The following C2CD2L variants were observed in gnomAD, a reference collection of about 807,000 sequenced individuals.
C2CD2L encodes phospholipid transfer protein C2CD2L.
A neutral mutation model predicts 69.9 loss-of-function variants in C2CD2L; 24 were observed. The observed-to-expected ratio is 0.34, with a 90% CI of 0.25 to 0.48. The LOEUF is 0.48. Ranked by LOEUF, C2CD2L falls within the 20% of genes least tolerant of loss-of-function variation. The pLI is 0.99. For synonymous variants in C2CD2L, 367 were observed against 391.0 expected (o/e 0.94, Z 0.72); for missense variants, 811 against 941.5 (o/e 0.86, Z 1.81).
intron 13 of C2CD2L, 42 bp from the exon 14 acceptor site, chr11:119,116,003 C>A: frequency 6.4e-7 from 1 of 1,569,050 alleles, no homozygotes; most frequent in Non-Finnish European, 8.7e-7. Context: ...CTCACCCCAC[C>A]CCGTGCCCCT....
In C2CD2L at chr11:119,110,827, C is replaced by G. The variant is rs752453437; in HGVS notation, c.571-20C>G. 18 of 1,612,660 alleles carry G rather than the reference C, an allele frequency of 1.1e-5. No homozygotes were observed. In the Admixed American group the frequency reaches 2.7e-4, roughly 24 times the overall value. ...GGTAAATGGGGCAAGTCAGCCCAGT[C>G]ACTTTGTTCCTGTCTGTAGTTGGAA... On this transcript the variant is annotated intron_variant, in intron 3 of 13. Coordinates refer to ENST00000648610, the MANE Select transcript of C2CD2L (RefSeq NM_001290474.2). The surrounding 1 kb of genome is among the most constrained non-coding windows in gnomAD (Gnocchi z 5.7).
At position 119,116,526 on chromosome 11, in the gene C2CD2L, C is replaced by G. The variant is rs904734051; in HGVS notation, c.*270C>G. 1.8e-6 allele frequency: 1 copy of G among 563,144 alleles called. No homozygotes were observed. The highest frequency in any genetic ancestry group is 1.9e-5 in the African/African-American group (1 of 53,352). 34.9% of individuals were successfully genotyped at this position (563,144 alleles called of 1,614,324 possible). ...GGCATGTGTGGGTATTCCCCAGAAG[C>G]ATTTGCCTCCTGCTGAGCCTGGTCC... On this transcript the variant is annotated 3_prime_UTR_variant, in exon 14 of 14. Transcript: ENST00000648610.
At chr11:119,113,122 G>C (rs1158294009) in intron 10 of C2CD2L, 2 of 564,230 alleles carry the variant, frequency 3.5e-6, no homozygotes, top group Non-Finnish European at 6.3e-6. Flanking sequence ...CCTCATACAG[G>C]ACTGTTGCAC....
upstream of C2CD2L, among the ~76,000 whole-genome samples, chr11:119,105,367 A>C (rs897027639): frequency 6.6e-6 from 1 of 152,220 alleles, no homozygotes; most frequent in Non-Finnish European, 1.5e-5. Flanking sequence ...GGCTGGGCAC[A>C]GTGGCTCTCA....
chr11:119,111,195 T>A lies in C2CD2L; in HGVS notation c.798+27T>A, dbSNP rs1246835589. The A allele has an allele frequency of 3.1e-6, 5 of 1,610,686 alleles. No homozygotes were observed. The Admixed American group carries it at 8.3e-5, about 27-fold the overall frequency. The stretch of plus-strand genomic sequence containing the variant: ...TGAGTTGGCACCCAAAGCAAAAGAT[T>A]TGCATGCACCTTGTTCCTAGGGTGC... On this transcript the variant is annotated intron_variant, in intron 5 of 13. Coordinates refer to ENST00000648610, the MANE Select transcript of C2CD2L (RefSeq NM_001290474.2).
chr11:119,116,462 G>A lies in C2CD2L; in HGVS notation c.*206G>A, dbSNP rs1946895871. On this transcript the variant is annotated 3_prime_UTR_variant, in exon 14 of 14. Transcript: ENST00000648610. ...GGCACCCGGTGCCGAGGACATGGAC[G>A]AGGGACTGGTGGCTGGGAGGGAGAG... 1.0e-5 allele frequency: 6 copies of A among 598,162 alleles called. No homozygotes were observed. The South Asian group carries it at 1.2e-4, about 12-fold the overall frequency. The allele number at this position is 598,162 out of a possible 1,614,324, so 37.1% of individuals were successfully genotyped here.
In C2CD2L at chr11:119,112,839, C is replaced by T. The variant is rs775650537; in HGVS notation, c.1352C>T (p.Thr451Ile). Residue 451 changes from threonine to isoleucine, a missense_variant, in exon 10 of 14, where the codon ACT (threonine) becomes ATT (isoleucine). Thr to Ile is a moderately conservative substitution (Grantham distance 89). Transcript: ENST00000648610. ...GGCACCATTGTCACCACAGTCACCA[C>T]TGTCCAGTCCCGGCCCCGTATAGAC... ...PDGTIVTTVT[T>I]VQSRPRIDGK... 3.7e-6 allele frequency: 6 copies of T among 1,614,086 alleles called. No individual in the cohort carries two copies. Among genetic ancestry groups the T allele is most frequent in the Non-Finnish European group, 5.1e-6 (6 of 1,179,974 alleles).
In C2CD2L at chr11:119,110,226, T is replaced by C; in HGVS notation, c.450+27T>C. The C allele has an allele frequency of 1.3e-6, 2 of 1,537,590 alleles. No homozygotes were observed. Among genetic ancestry groups the C allele is most frequent in the Non-Finnish European group, 1.8e-6 (2 of 1,110,320 alleles). On this transcript the variant is annotated intron_variant, in intron 2 of 13. Coordinates refer to ENST00000648610, the MANE Select transcript of C2CD2L (RefSeq NM_001290474.2). The surrounding 1 kb of genome is among the most constrained non-coding windows in gnomAD (Gnocchi z 5.7). ...TAAGGGTCTGATGGGCACTGCCCTC[T>C]TTGGGGTCCAAGAAGGACTGACCCC...
chr11:119,107,088 A>C (rs1277762964), upstream of C2CD2L: 1 of 152,260 alleles, frequency 6.6e-6, no homozygotes, highest in Middle Eastern at 3.2e-3. The surrounding 1 kb of genome is among the most constrained non-coding windows in gnomAD (Gnocchi z 5.4). Context: ...ACCTGTGGAA[A>C]TCTAACAAGC....
intron 7 of C2CD2L, chr11:119,111,936 G>A (rs894612375): frequency 9.0e-5 from 40 of 443,174 alleles, no homozygotes; most frequent in African/African-American, 7.8e-4. Flanking sequence ...TCCCATGAGG[G>A]AATAAGGATC....
At chr11:119,113,789 G>A (rs778059000) in intron 11 of C2CD2L, 66 bp from the exon 12 acceptor site, 1 of 1,612,396 alleles carries the variant, frequency 6.2e-7, no homozygotes, top group Non-Finnish European at 8.5e-7. Flanking sequence ...GGTGGGATAG[G>A]AGGAGTTCCA....
At position 119,110,200 on chromosome 11, in the gene C2CD2L, G is replaced by A; in HGVS notation, c.450+1G>A. 1 of 1,607,608 alleles carries A rather than the reference G, an allele frequency of 6.2e-7. No individual in the cohort carries two copies. Among genetic ancestry groups the A allele is most frequent in the Non-Finnish European group, 8.5e-7 (1 of 1,174,116 alleles). ...CGTAGACCAATCTGAGCATACCATG[G>A]TAAGGGTCTGATGGGCACTGCCCTC... On this transcript the variant is annotated splice_donor_variant, in intron 2 of 13. Coordinates refer to ENST00000648610, the MANE Select transcript of C2CD2L (RefSeq NM_001290474.2). LOFTEE classifies it high-confidence loss of function. This position sits in a 1 kb window ranked among gnomAD's most constrained non-coding sequence, Gnocchi z 5.7.
chr11:119,106,842 A>T (rs971146904), upstream of C2CD2L: 3 of 152,244 alleles, frequency 2.0e-5, no homozygotes, highest in African/African-American at 7.2e-5. Context: ...GGGGAATTCA[A>T]ATTCGGTGTT....
intron 13 of C2CD2L, 125 bp from the exon 14 acceptor site, chr11:119,115,920 G>A (rs608444): frequency 0.57 from 402,280 of 707,266 alleles, 117,798 homozygotes; most frequent in African/African-American, 0.76. Context: ...GAGGAAGCCT[G>A]GCTTCTGGGC....
upstream of C2CD2L, among the ~76,000 whole-genome samples, chr11:119,104,158 C>A (rs1275282238): frequency 6.6e-6 from 1 of 152,084 alleles, no homozygotes; most frequent in South Asian, 2.1e-4. Context: ...GACAGTGAGA[C>A]ACCAGAAGCT....
Position 119,109,028 on chromosome 11 carries a change from CT to C in C2CD2L, c.354+935del, listed in dbSNP as rs1383504803. ...CCAGATGGCATCTGTCAGTTTACACCTTGAACCCACCTCTTCATCCAACTCT... is the reference window on the plus strand; with the variant it reads ...CCAGATGGCATCTGTCAGTTTACACCTGAACCCACCTCTTCATCCAACTCT... On this transcript the variant is annotated intron_variant, in intron 1 of 13. Transcript: ENST00000648610. The surrounding 1 kb of genome is among the most constrained non-coding windows in gnomAD (Gnocchi z 5.1). Among the ~76,000 whole-genome samples the C allele has an allele frequency of 1.3e-5, 2 of 152,212 alleles. No individual in the cohort carries two copies. Among genetic ancestry groups the C allele is most frequent in the Non-Finnish European group, 2.9e-5 (2 of 68,034 alleles).
rs1946680316 is a variant in C2CD2L, at chr11:119,109,448, T to G, written c.355-656T>G. ...CTCTAATACCGTCCTGCTATCTGCC[T>G]TGAGGAATTAGCCAGGCCCCTGGAC... On this transcript the variant is annotated intron_variant, in intron 1 of 13. Transcript: ENST00000648610. This position sits in a 1 kb window ranked among gnomAD's most constrained non-coding sequence, Gnocchi z 5.1. Among the ~76,000 whole-genome samples the G allele has an allele frequency of 6.6e-6, 1 of 152,208 alleles. No individual in the cohort carries two copies. Among genetic ancestry groups the G allele is most frequent in the African/African-American group, 2.4e-5 (1 of 41,454 alleles).
chr11:119,104,270 G>A (rs770493317), upstream of C2CD2L, among the ~76,000 whole-genome samples: 1 of 152,110 alleles, frequency 6.6e-6, no homozygotes, highest in African/African-American at 2.4e-5. Flanking sequence ...GAGCCAGTCT[G>A]TATCTATTTC....
At position 119,114,412 on chromosome 11, in the gene C2CD2L, A is replaced by C; in HGVS notation, c.1909+47A>C. On this transcript the variant is annotated intron_variant, in intron 13 of 13. Transcript: ENST00000648610. This position sits in a 1 kb window ranked among gnomAD's most constrained non-coding sequence, Gnocchi z 5.1. Reference sequence around the variant, plus strand: ...GCCCCTCATCTCTTCTTTTATACACATATCATGACCTGGGGGACCTCGAGC... The same window carrying C: ...GCCCCTCATCTCTTCTTTTATACACCTATCATGACCTGGGGGACCTCGAGC... 6.3e-7 allele frequency: 1 copy of C among 1,582,494 alleles called. No homozygotes were observed. Among genetic ancestry groups the C allele is most frequent in the Non-Finnish European group, 8.6e-7 (1 of 1,157,756 alleles).
Sources: gnomAD v4.1 joint callset for allele counts (sites outside exome capture counted in the v4.1 genomes callset) on GRCh38, gnomAD v4.1.1 for gene constraint, Gnocchi (gnomAD v3.1) non-coding constraint, MANE v1.5 for transcripts, NCBI Gene and HGNC (gene_info 2026-07-23, HGNC 2026-07-21) for gene names.